Variants in RYR1 observed in about 807,000 individuals in gnomAD.
RYR1 encodes ryanodine receptor 1.
Under a neutral mutation model 583.5 loss-of-function variants are expected in RYR1, and 342 were observed. That is an observed-to-expected ratio of 0.59 (90% CI 0.54 to 0.64). The LOEUF is 0.64. Ranked by LOEUF, RYR1 falls within the 30% of genes least tolerant of loss-of-function variation. The pLI, the probability that RYR1 is intolerant of heterozygous loss-of-function variation, is 0.00. For synonymous variants in RYR1, 2,791 were observed against 2,822.5 expected, an observed-to-expected ratio of 0.99 and a Z score of 0.35; for missense variants, 6,032 against 6,917.2, an observed-to-expected ratio of 0.87 and a Z score of 4.54.
chr19:38,528,472 G>C, intron 74 of RYR1, 54 bp downstream of exon 74: 1 of 1,599,678 alleles, frequency 6.3e-7, no homozygotes, highest in Non-Finnish European at 8.6e-7. Flanking sequence ...AAGGGTGGCT[G>C]GAGAGTCTGG....
At chr19:38,509,450 ATTTTT>A (rs534650223) in intron 58 of RYR1, among the ~76,000 whole-genome samples, 14,601 of 104,170 alleles carry the variant, frequency 0.14, 878 homozygotes, top group African/African-American at 0.2. Flanking sequence ...TATTATTATT[ATTTTT>A]TTTTTTTTTT....
In RYR1 at chr19:38,469,477, G is replaced by C. The variant is rs1370870467; in HGVS notation, c.3729G>C (p.Gln1243His). Residue 1243 changes from glutamine to histidine, a missense_variant, in exon 27 of 106, where the codon CAG (glutamine) becomes CAC (histidine). Gln to His is a conservative substitution (Grantham distance 24). Coordinates refer to ENST00000359596, the MANE Select transcript of RYR1 (RefSeq NM_000540.3). ...VTTWFSKGLP[Q>H]FEPVPLEHPH... ...CCTGGTTCAGCAAAGGCCTGCCCCA[G>C]TTTGAGCCAGTGCCCCTTGAACACC... 6.2e-7 allele frequency: 1 copy of C among 1,614,160 alleles called. No individual in the cohort carries two copies. Among genetic ancestry groups the C allele is most frequent in the Admixed American group, 1.7e-5 (1 of 60,014 alleles).
In RYR1 at chr19:38,433,787, T is replaced by A; in HGVS notation, c.-43T>A. On this transcript the variant is annotated 5_prime_UTR_variant, in exon 1 of 106. Coordinates refer to ENST00000359596, the MANE Select transcript of RYR1 (RefSeq NM_000540.3). ...CCCGCCCAGCCCGCAGCCCCCTCCC[T>A]CTGTTCCCCGACCTCAGACCCTGGG... The A allele has an allele frequency of 1.3e-5, 6 of 457,756 alleles. No individual in the cohort carries two copies. The highest frequency in any genetic ancestry group is 1.8e-5 in the Non-Finnish European group (6 of 338,426). 28.4% of individuals were successfully genotyped at this position (457,756 alleles called of 1,614,324 possible).
In RYR1 at chr19:38,580,038, C is replaced by T. The variant is rs1043862103; in HGVS notation, c.14421C>T (p.Asn4807=). 1.2e-6 allele frequency: 2 copies of T among 1,614,074 alleles called. No individual in the cohort carries two copies. Among genetic ancestry groups the T allele is most frequent in the African/African-American group, 2.7e-5 (2 of 74,932 alleles). Residue 4807 remains asparagine (N), a synonymous_variant, in exon 100 of 106, where the codon AAC becomes AAT. Coordinates refer to ENST00000359596, the MANE Select transcript of RYR1 (RefSeq NM_000540.3). ...TGTCCCTCTTGGGACACTACAACAA[C>T]TTCTTCTTTGCTGCCCATCTCCTGG... ...MVMSLLGHYN[N]FFFAAHLLDI...
At position 38,460,397 on chromosome 19, in the gene RYR1, C is replaced by T. The variant is rs547608972; in HGVS notation, c.2383C>T (p.Arg795Cys). 9.6e-5 allele frequency: 155 copies of T among 1,614,128 alleles called. 1 individual carries two copies. Among genetic ancestry groups the T allele is most frequent in the Admixed American group, 5.2e-4 (31 of 60,004 alleles). Residue 795 changes from arginine (R) to cysteine (C), a missense_variant, in exon 20 of 106, where the codon CGC (arginine) becomes TGC (cysteine). Coordinates refer to ENST00000359596, the MANE Select transcript of RYR1 (RefSeq NM_000540.3). ...CAGGGTGCGGTTCCTCCTTGGTGGCCGCCATGGTGAATTCAAGTTCCTGCC... is the reference window on the plus strand; with the variant it reads ...CAGGGTGCGGTTCCTCCTTGGTGGCTGCCATGGTGAATTCAAGTTCCTGCC... ...GVKVRFLLGG[R>C]HGEFKFLPPP...
chr19:38,489,977 G>C, intron 35 of RYR1, 99 bp from the exon 36 acceptor site: 1 of 1,269,914 alleles, frequency 7.9e-7, no homozygotes, highest in Non-Finnish European at 1.1e-6. Context: ...GCTGGACCTG[G>C]GCAGGGCCAT....
chr19:38,471,967 C>A (rs1968445218), intron 27 of RYR1, among the ~76,000 whole-genome samples: 1 of 150,258 alleles, frequency 6.7e-6, no homozygotes, highest in East Asian at 2.0e-4. Flanking sequence ...AGGGCAAATT[C>A]ATTGGCTGGC....
intron 2 of RYR1, among the ~76,000 whole-genome samples, 195 bp from the exon 3 acceptor site, chr19:38,442,154 G>T (rs919003049): frequency 6.8e-6 from 1 of 148,014 alleles, no homozygotes; most frequent in African/African-American, 2.5e-5. Flanking sequence ...CACAGAAGAG[G>T]TGTTTTCGTG....
In RYR1 at chr19:38,499,776, C is replaced by T; in HGVS notation, c.7169C>T (p.Pro2390Leu). 3 of 1,603,188 alleles carry T rather than the reference C, an allele frequency of 1.9e-6. No homozygotes were observed. The East Asian group carries it at 6.7e-5, about 36-fold the overall frequency. The change falls in exon 44 of 106, where the codon CCT becomes CTT. Residue 2390 changes from proline to leucine, a missense_variant. Transcript: ENST00000359596. The surrounding 1 kb of genome is among the most constrained non-coding windows in gnomAD (Gnocchi z 7.3). Reference protein sequence around the residue: ...IEEAIRISEDPARDGPGIRRD... With the variant: ...IEEAIRISEDLARDGPGIRRD... ...GAGGCCATCCGCATCTCCGAGGACCCTGCGAGGGATGGCCCAGGCATCCGC... is the reference window on the plus strand; with the variant it reads ...GAGGCCATCCGCATCTCCGAGGACCTTGCGAGGGATGGCCCAGGCATCCGC...
intron 88 of RYR1, among the ~76,000 whole-genome samples, chr19:38,547,928 G>A (rs1228462776): frequency 6.6e-6 from 1 of 152,108 alleles, no homozygotes; most frequent in African/African-American, 2.4e-5. Flanking sequence ...GGCCAGGCTG[G>A]TCTCAAACTC....
intron 90 of RYR1, 25 bp from the exon 91 acceptor site, chr19:38,564,934 T>C: frequency 6.4e-7 from 1 of 1,561,122 alleles, no homozygotes; most frequent in Admixed American, 1.9e-5. Context: ...CGGCGCCCTA[T>C]CCTGTCTGCC....
chr19:38,506,563 C>T lies in RYR1; in HGVS notation c.8692+17C>T, dbSNP rs1248603922. 1.2e-6 allele frequency: 2 copies of T among 1,613,310 alleles called. No homozygotes were observed. Among genetic ancestry groups the T allele is most frequent in the Non-Finnish European group, 1.7e-6 (2 of 1,179,576 alleles). On this transcript the variant is annotated intron_variant, in intron 56 of 105. Coordinates refer to ENST00000359596, the MANE Select transcript of RYR1 (RefSeq NM_000540.3). Reference sequence around the variant, plus strand: ...AAGCCAAAGGTGAGGGCGCCCATGCCGCCCCCACGCTACCCCCGTGGATTC... The same window carrying T: ...AAGCCAAAGGTGAGGGCGCCCATGCTGCCCCCACGCTACCCCCGTGGATTC...
intron 84 of RYR1, among the ~76,000 whole-genome samples, chr19:38,538,343 T>C (rs978169969): frequency 6.6e-6 from 1 of 152,132 alleles, no homozygotes; most frequent in Admixed American, 6.6e-5. Flanking sequence ...GAGGTTGCAG[T>C]GAGCCAAGAT....
At chr19:38,585,256 C>T (rs1974422231) in intron 102 of RYR1, among the ~76,000 whole-genome samples, 157 bp downstream of exon 102, 1 of 151,770 alleles carries the variant, frequency 6.6e-6, no homozygotes, top group Non-Finnish European at 1.5e-5. Context: ...CTCCGTTTCT[C>T]CATCTGCAAA....
chr19:38,445,032 G>A (rs143569504), intron 7 of RYR1, among the ~76,000 whole-genome samples: 2,708 of 151,960 alleles, frequency 0.018, 33 homozygotes, highest in Middle Eastern at 0.079. Context: ...CGAGGCAGGT[G>A]GATCACCTGA....
chr19:38,525,639 G>T, intron 71 of RYR1, 137 bp downstream of exon 71: 1 of 963,702 alleles, frequency 1.0e-6, no homozygotes, highest in Non-Finnish European at 1.6e-6. Flanking sequence ...ACCCCACTGA[G>T]TTCTTTTCCG....
rs751389868 is a variant in RYR1 at position 38,484,377 on chromosome 19, T to TCCC, written c.4934+861_4934+862insCCC. On this transcript the variant is annotated intron_variant, in intron 33 of 105. Coordinates refer to ENST00000359596, the MANE Select transcript of RYR1 (RefSeq NM_000540.3). ...CCTCTTTCTTTCTTTCCTTCCTTCC[T>TCCC]TCCTCCCTCCTTCCCTCTCTCCTTC... Among the ~76,000 whole-genome samples the TCCC allele has an allele frequency of 9.3e-4, 141 of 151,780 alleles. 1 individual carries two copies. Among genetic ancestry groups the TCCC allele is most frequent in the Non-Finnish European group, 1.6e-3 (109 of 67,878 alleles).
Position 38,565,792 on chromosome 19 carries a change from T to C in RYR1, c.13437+21T>C. On this transcript the variant is annotated intron_variant, in intron 91 of 105. Coordinates refer to ENST00000359596, the MANE Select transcript of RYR1 (RefSeq NM_000540.3). This position sits in a 1 kb window ranked among gnomAD's most constrained non-coding sequence, Gnocchi z 4.7. ...TGGGGGTGAGAGAGCAGGCGGGGTT[T>C]TGGGGTTTTGGAAAGATGGGGGATT... The C allele has an allele frequency of 7.3e-7, 1 of 1,375,604 alleles. No homozygotes were observed. Among genetic ancestry groups the C allele is most frequent in the Non-Finnish European group, 9.3e-7 (1 of 1,073,534 alleles). 85.2% of individuals were successfully genotyped at this position (1,375,604 alleles called of 1,614,324 possible).
rs1039245556 is a variant in RYR1 at position 38,443,764 on chromosome 19, C to T, written c.392C>T (p.Ala131Val). ...TCCCGCTCCATGACTGACAAGCTGG[C>T]CTTCGATGTGGGACTGCAGGAGGAC... is the stretch of plus-strand genomic sequence containing the variant. ...TTSRSMTDKL[A>V]FDVGLQEDAT... is the part of the protein sequence containing the mutation. Residue 131 changes from alanine to valine, a missense_variant, in exon 5 of 106, where the codon GCC becomes GTC. This residue lies in a region of RYR1 where 338 missense variants were observed against 441.6 expected (regional missense o/e 0.77). Coordinates refer to ENST00000359596, the MANE Select transcript of RYR1 (RefSeq NM_000540.3). 1.2e-6 allele frequency: 2 copies of T among 1,614,014 alleles called. No individual in the cohort carries two copies. The highest frequency in any genetic ancestry group is 1.7e-6 in the Non-Finnish European group (2 of 1,180,014).
Sources: allele counts gnomAD v4.1 joint callset (sites outside exome capture counted in the v4.1 genomes callset), GRCh38; gene constraint gnomAD v4.1.1; regional missense constraint gnomAD v4.1.1; non-coding constraint Gnocchi (gnomAD v3.1); transcripts MANE v1.5; gene names NCBI Gene and HGNC (gene_info 2026-07-23, HGNC 2026-07-21).